PRAG1: variants seen among roughly 807,000 people sequenced by gnomAD.
PRAG1 encodes the protein inactive tyrosine-protein kinase PRAG1.
In PRAG1, 110 loss-of-function variants were observed where a neutral mutation model predicts 95.6. That is an observed-to-expected ratio of 1.15 (90% CI 0.99 to 1.35). The LOEUF (loss-of-function observed/expected upper bound fraction) is 1.35. Among genes scored for constraint, PRAG1 ranks in the 40% most tolerant of loss-of-function variants. The pLI, the probability that PRAG1 is intolerant of heterozygous loss-of-function variation, is 0.00. For missense variants in PRAG1, 2,554 were observed against 1,864.7 expected, an observed-to-expected ratio of 1.37 and a Z score of -6.81; for synonymous variants, 1,052 against 819.4, an observed-to-expected ratio of 1.28 and a Z score of -4.85.
intron 3 of PRAG1, among the ~76,000 whole-genome samples, chr8:8,373,848 A>C (rs1438221792): frequency 6.6e-6 from 1 of 152,142 alleles, no homozygotes; most frequent in Admixed American, 6.5e-5. Flanking sequence ...AGCTATATGC[A>C]ATCTAAGGGT....
In PRAG1 at chr8:8,377,271, G is replaced by C. The variant is rs902096912; in HGVS notation, c.1138C>G (p.Pro380Ala). The C allele has an allele frequency of 2.5e-6, 4 of 1,612,884 alleles. No homozygotes were observed. Among genetic ancestry groups the C allele is most frequent in the Non-Finnish European group, 1.7e-6 (2 of 1,179,962 alleles). Residue 380 changes from proline (P) to alanine (A), a missense_variant, in exon 3 of 6, where the codon CCT becomes GCT. Transcript: ENST00000615670. ...CTAGGGGTCACCCCTGGGCAGCCAG[G>C]GTCCTGCTGCTTCTCTGGGGCAGGT... ...KEPAPEKQQD[P>A]GCPGVTPSRC... is the part of the protein sequence containing the mutation.
intron 3 of PRAG1, among the ~76,000 whole-genome samples, chr8:8,367,247 T>A (rs1193477984): frequency 6.6e-6 from 1 of 151,562 alleles, no homozygotes; most frequent in Non-Finnish European, 1.5e-5. Flanking sequence ...TCACATGAGG[T>A]CAGGAGTTCA....
chr8:8,324,801 A>T (rs538099101), intron 5 of PRAG1, among the ~76,000 whole-genome samples: 2 of 152,270 alleles, frequency 1.3e-5, no homozygotes, highest in South Asian at 4.1e-4. Context: ...CTAATTACCA[A>T]ACTAGAATTC....
Position 8,377,585 on chromosome 8 carries a change from G to T in PRAG1, c.824C>A (p.Ser275Tyr), listed in dbSNP as rs1402743640. The stretch of plus-strand genomic sequence containing the variant: ...GTCCCTGCCACCATGCCTGCCCCGG[G>T]AACCTGCAGTCTGGGAGGCAGCCTT... ...VAKAASQTAGSRGRHGGRDCS... is the reference protein window; with the variant it reads ...VAKAASQTAGYRGRHGGRDCS... The change falls in exon 3 of 6, where the codon TCC (serine) becomes TAC (tyrosine). Residue 275 changes from serine (S) to tyrosine (Y), a missense_variant. Ser to Tyr is a moderately radical substitution (Grantham distance 144). Transcript: ENST00000615670. 6.2e-7 allele frequency: 1 copy of T among 1,612,134 alleles called. No homozygotes were observed. The highest frequency in any genetic ancestry group is 8.5e-7 in the Non-Finnish European group (1 of 1,179,514).
At chr8:8,376,142 G>A (rs1800378246) in intron 3 of PRAG1, 105 bp downstream of exon 3, 11 of 1,460,532 alleles carry the variant, frequency 7.5e-6, no homozygotes, top group Middle Eastern at 5.1e-4. Context: ...GGGCCTTTGG[G>A]CAGATTCTGG....
intron 4 of PRAG1, among the ~76,000 whole-genome samples, chr8:8,337,521 G>T (rs1323972234): frequency 6.6e-6 from 1 of 152,080 alleles, no homozygotes; most frequent in Non-Finnish European, 1.5e-5. Context: ...TCATGCCTTT[G>T]GTCTCTTGCC....
intron 3 of PRAG1, among the ~76,000 whole-genome samples, chr8:8,343,132 C>T (rs1799225423): frequency 1.3e-5 from 2 of 152,262 alleles, no homozygotes; most frequent in South Asian, 4.1e-4. Context: ...AGAAAGGCCA[C>T]TCAACACATG....
chr8:8,319,878 C>T (rs1474291409), intron 5 of PRAG1, among the ~76,000 whole-genome samples: 1 of 152,320 alleles, frequency 6.6e-6, no homozygotes, highest in East Asian at 1.9e-4. Flanking sequence ...AAGTGCAAAT[C>T]AAAACCACAG....
intron 5 of PRAG1, 96 bp downstream of exon 5, chr8:8,327,614 G>GCATTCA: frequency 7.3e-7 from 1 of 1,371,124 alleles, no homozygotes; most frequent in Non-Finnish European, 9.9e-7. Flanking sequence ...CCCTCCTAAT[G>GCATTCA]CCCAGACAGG....
intron 3 of PRAG1, among the ~76,000 whole-genome samples, chr8:8,343,958 TATTTAACATAATGTATTCAAAATATTGTC>T (rs1799252176): frequency 6.6e-6 from 1 of 152,048 alleles, no homozygotes. Flanking sequence ...TAATACATTT[TATTTAACATAATGTATTCAAAATATTGTC>T]ACTTTAAGCA....
intron 1 of PRAG1, among the ~76,000 whole-genome samples, chr8:8,384,337 G>T (rs1800778968): frequency 6.6e-6 from 1 of 152,076 alleles, no homozygotes; most frequent in African/African-American, 2.4e-5. Context: ...GATCTGGATT[G>T]CTAGCGTGGG....
chr8:8,346,568 G>A (rs1338978780), intron 3 of PRAG1, among the ~76,000 whole-genome samples: 2 of 152,108 alleles, frequency 1.3e-5, no homozygotes, highest in South Asian at 2.1e-4. Context: ...GTGGAAAGCT[G>A]GAAAAAAAGA....
intron 3 of PRAG1, among the ~76,000 whole-genome samples, chr8:8,354,208 A>G (rs1001829307): frequency 5.9e-5 from 9 of 152,182 alleles, no homozygotes; most frequent in Non-Finnish European, 1.0e-4. Context: ...TCCTAGATTC[A>G]ATATTGAATC....
intron 3 of PRAG1, among the ~76,000 whole-genome samples, chr8:8,347,838 G>A (rs1554506594): frequency 6.6e-6 from 1 of 151,472 alleles, no homozygotes; most frequent in Non-Finnish European, 1.5e-5. Context: ...ATTTTTTGAG[G>A]CAAAGTCTCA....
At chr8:8,329,264 G>A (rs537889053) in intron 4 of PRAG1, among the ~76,000 whole-genome samples, 6 of 152,046 alleles carry the variant, frequency 3.9e-5, no homozygotes, top group East Asian at 1.9e-4. Context: ...GTGGTGGTGC[G>A]TGCCTATAAT....
rs1197611292 is a variant in PRAG1, at chr8:8,376,771, G to C, written c.1638C>G (p.Pro546=). 6.2e-7 allele frequency: 1 copy of C among 1,610,466 alleles called. No homozygotes were observed. Among genetic ancestry groups the C allele is most frequent in the Admixed American group, 1.7e-5 (1 of 59,986 alleles). Residue 546 remains proline (P), a synonymous_variant, in exon 3 of 6, where the codon CCC becomes CCG. Coordinates refer to ENST00000615670, the MANE Select transcript of PRAG1 (RefSeq NM_001080826.3). ...SKPKERPAIP[P]KLSKSSPVGS... The stretch of plus-strand genomic sequence containing the variant: ...CTACAGGGCTACTCTTGGACAACTT[G>C]GGGGGAATGGCGGGCCTCTCCTTGG...
In PRAG1 at chr8:8,377,598, G is replaced by C; in HGVS notation, c.811C>G (p.Gln271Glu). 3 of 1,613,016 alleles carry C rather than the reference G, an allele frequency of 1.9e-6. No individual in the cohort carries two copies. Among genetic ancestry groups the C allele is most frequent in the Non-Finnish European group, 2.5e-6 (3 of 1,179,856 alleles). ...PGSPVAKAAS[Q>E]TAGSRGRHGG... ...TGCCTGCCCCGGGAACCTGCAGTCT[G>C]GGAGGCAGCCTTGGCAACAGGGCTC... The change falls in exon 3 of 6, where the codon CAG (glutamine) becomes GAG (glutamate). Residue 271 changes from glutamine (Q) to glutamate (E), a missense_variant. Gln to Glu is a conservative substitution (Grantham distance 29). Transcript: ENST00000615670.
In PRAG1 at chr8:8,377,381, C is replaced by T. The variant is rs782186161; in HGVS notation, c.1028G>A (p.Cys343Tyr). The T allele has an allele frequency of 6.3e-7, 1 of 1,589,822 alleles. No individual in the cohort carries two copies. The highest frequency in any genetic ancestry group is 8.6e-7 in the Non-Finnish European group (1 of 1,168,886). The change falls in exon 3 of 6, where the codon TGT (cysteine) becomes TAT (tyrosine). Residue 343 changes from cysteine to tyrosine, a missense_variant. Physicochemically the swap from Cys to Tyr is radical, Grantham distance 194 (BLOSUM62 -2). Transcript: ENST00000615670. Reference protein sequence around the residue: ...EAAISSDGLSCGSGSGSGSGA... With the variant: ...EAAISSDGLSYGSGSGSGSGA... ...GCTGCCGCTGCCGCTGCCGCTGCCA[C>T]AAGAGAGGCCGTCGGAAGAAATGGC...
At position 8,349,930 on chromosome 8, in the gene PRAG1, TACACAC is replaced by T. The variant is rs67536846; in HGVS notation, c.2163-10301_2163-10296del. 3.4e-4 allele frequency among the ~76,000 whole-genome samples: 49 copies of T among 144,874 alleles called. 1 individual carries two copies. Among genetic ancestry groups the T allele is most frequent in the Middle Eastern group, 6.9e-3 (2 of 290 alleles). On this transcript the variant is annotated intron_variant, in intron 3 of 5. Coordinates refer to ENST00000615670, the MANE Select transcript of PRAG1 (RefSeq NM_001080826.3). ...ATAGTTACATTAAAAGATAGGAAAA[TACACAC>T]ACACACACACACACACACACACACA...
Sources: allele counts gnomAD v4.1 joint callset (sites outside exome capture counted in the v4.1 genomes callset), GRCh38; gene constraint gnomAD v4.1.1; transcripts MANE v1.5; gene names NCBI Gene and HGNC (gene_info 2026-07-23, HGNC 2026-07-21).